The following GPR39 variants were observed in gnomAD, a reference collection of about 807,000 sequenced individuals.
The protein encoded by GPR39 is G protein-coupled receptor 39, also known as zinc sensing receptor.
In GPR39, 23 loss-of-function variants were observed where a neutral mutation model predicts 18.4. The ratio of observed to expected loss-of-function variants is 1.25; its 90% confidence interval spans 0.90 to 1.77. The LOEUF (loss-of-function observed/expected upper bound fraction) is 1.77, where lower values mean the gene tolerates loss of function less well. Among genes scored for constraint, GPR39 ranks in the 40% most tolerant of loss-of-function variants. GPR39 has a pLI of 0.00. For synonymous variants in GPR39, 280 were observed against 257.9 expected, an observed-to-expected ratio of 1.09 and a Z score of -0.82; for missense variants, 647 against 602.4, an observed-to-expected ratio of 1.07 and a Z score of -0.78.
Position 132,417,905 on chromosome 2 carries a change from C to T in GPR39, c.856+7C>T. ...CAGACCATCATCTTCCTGAGTGAGTCCTAAGTCGGGGGCAACACGTGAGCA... is the reference window on the plus strand; with the variant it reads ...CAGACCATCATCTTCCTGAGTGAGTTCTAAGTCGGGGGCAACACGTGAGCA... On this transcript the variant is annotated splice_region_variant and intron_variant, in intron 1 of 1. Transcript: ENST00000329321. The T allele has an allele frequency of 1.3e-6, 2 of 1,569,384 alleles. No homozygotes were observed. Among genetic ancestry groups the T allele is most frequent in the Non-Finnish European group, 1.7e-6 (2 of 1,159,934 alleles).
At chr2:132,594,864 G>A (rs1680908630) in intron 1 of GPR39, among the ~76,000 whole-genome samples, 1 of 152,138 alleles carries the variant, frequency 6.6e-6, no homozygotes, top group Non-Finnish European at 1.5e-5. Context: ...TCTAATAATG[G>A]TACTTATCTC....
intron 1 of GPR39, among the ~76,000 whole-genome samples, chr2:132,492,453 C>T (rs1438691897): frequency 2.9e-5 from 4 of 139,688 alleles, no homozygotes; most frequent in Admixed American, 7.3e-5. Flanking sequence ...ACCATATATA[C>T]ACACCATATA....
chr2:132,619,249 G>T (rs1681391749), intron 1 of GPR39, among the ~76,000 whole-genome samples: 1 of 152,228 alleles, frequency 6.6e-6, no homozygotes, highest in East Asian at 1.9e-4. Flanking sequence ...ATCCTTAGCA[G>T]AAAGCTATGA....
At chr2:132,591,435 T>C (rs945507973) in intron 1 of GPR39, among the ~76,000 whole-genome samples, 3 of 152,148 alleles carry the variant, frequency 2.0e-5, no homozygotes, top group Non-Finnish European at 2.9e-5. Flanking sequence ...CAGGGACTCT[T>C]GGGCCACGGA....
chr2:132,519,012 G>T (rs1679379852), intron 1 of GPR39, among the ~76,000 whole-genome samples: 1 of 152,212 alleles, frequency 6.6e-6, no homozygotes, highest in South Asian at 2.1e-4. Flanking sequence ...CCTCTTTGGA[G>T]TTTGTAGGTT....
intron 1 of GPR39, among the ~76,000 whole-genome samples, chr2:132,560,169 A>G (rs780945137): frequency 6.6e-6 from 1 of 152,160 alleles, no homozygotes; most frequent in Non-Finnish European, 1.5e-5. Context: ...ACCTGCCATT[A>G]TAAAATTCTT....
At chr2:132,595,446 G>A (rs1291406226) in intron 1 of GPR39, among the ~76,000 whole-genome samples, 3 of 151,998 alleles carry the variant, frequency 2.0e-5, no homozygotes, top group South Asian at 2.1e-4. Flanking sequence ...CGCTGTCTTC[G>A]AAGTTGTAAC....
chr2:132,503,877 G>C (rs1304449982), intron 1 of GPR39, among the ~76,000 whole-genome samples: 1 of 152,144 alleles, frequency 6.6e-6, no homozygotes, highest in East Asian at 1.9e-4. Flanking sequence ...AAGGAACTGG[G>C]GGAAAGCTAG....
In GPR39 at chr2:132,417,150, G is replaced by A. The variant is rs756202510; in HGVS notation, c.108G>A (p.Val36=). Residue 36 remains valine (V), a synonymous_variant, in exon 1 of 2, where the codon GTG becomes GTA. Transcript: ENST00000329321. ...ATWIKITLIL[V]YLIIFVMGLL... is the part of the protein sequence containing the mutation. ...GGATCAAAATCACCCTTATTCTGGT[G>A]TACCTGATCATCTTCGTGATGGGCC... The A allele has an allele frequency of 3.7e-6, 6 of 1,614,182 alleles. No individual in the cohort carries two copies. In the Middle Eastern group the frequency reaches 4.9e-4, roughly 133 times the overall value.
chr2:132,472,770 G>C (rs1285577527), intron 1 of GPR39, among the ~76,000 whole-genome samples: 1 of 152,024 alleles, frequency 6.6e-6, no homozygotes, highest in East Asian at 1.9e-4. Flanking sequence ...CACGCACTTG[G>C]CCTTATGACT....
chr2:132,641,475 G>A (rs1173040553), intron 1 of GPR39, among the ~76,000 whole-genome samples: 2 of 152,280 alleles, frequency 1.3e-5, no homozygotes, highest in Admixed American at 6.5e-5. Flanking sequence ...GGAGGGGCTA[G>A]GAAGGATTCT....
intron 1 of GPR39, among the ~76,000 whole-genome samples, chr2:132,619,155 C>G (rs919562914): frequency 1.3e-5 from 2 of 152,210 alleles, no homozygotes; most frequent in Admixed American, 6.5e-5. Context: ...CGAGGCCAAC[C>G]CAGCAGGTGC....
chr2:132,610,777 CAAAAAA>C (rs34611787), intron 1 of GPR39, among the ~76,000 whole-genome samples: 2 of 88,726 alleles, frequency 2.3e-5, no homozygotes, highest in Non-Finnish European at 4.3e-5. Flanking sequence ...ACTCTGTCTC[CAAAAAA>C]AAAAAAAAAA....
intron 1 of GPR39, among the ~76,000 whole-genome samples, chr2:132,631,112 T>C (rs1681643630): frequency 6.6e-6 from 1 of 151,312 alleles, no homozygotes; most frequent in Non-Finnish European, 1.5e-5. Context: ...AGAAGGGAGG[T>C]AGAGAGCTGA....
intron 1 of GPR39, among the ~76,000 whole-genome samples, chr2:132,468,649 A>G (rs564138885): frequency 7.2e-5 from 11 of 152,296 alleles, no homozygotes; most frequent in Admixed American, 3.3e-4. Flanking sequence ...GGTTTTAAAC[A>G]GAAAACAGAG....
At chr2:132,565,513 T>A in intron 1 of GPR39, among the ~76,000 whole-genome samples, 1 of 149,712 alleles carries the variant, frequency 6.7e-6, no homozygotes, top group Non-Finnish European at 1.5e-5. Context: ...ACTCGTCATC[T>A]AGCCTTAGGT....
At chr2:132,435,251 A>C (rs1573600619) in intron 1 of GPR39, among the ~76,000 whole-genome samples, 1 of 151,484 alleles carries the variant, frequency 6.6e-6, no homozygotes, top group African/African-American at 2.4e-5. Flanking sequence ...CACCTCCTTC[A>C]CCCCTTCTGC....
chr2:132,614,921 G>A (rs922603092), intron 1 of GPR39, among the ~76,000 whole-genome samples: 1 of 152,100 alleles, frequency 6.6e-6, no homozygotes, highest in Non-Finnish European at 1.5e-5. Context: ...CAATAATCAA[G>A]ACCACATCAT....
Position 132,528,738 on chromosome 2 carries a change from C to T in GPR39, c.856+110840C>T, listed in dbSNP as rs770421654. Among the ~76,000 whole-genome samples the T allele has an allele frequency of 5.1e-4, 77 of 152,226 alleles. 2 individuals are homozygous for T. The South Asian group carries it at 5.2e-3, about 10-fold the overall frequency. ...ATTCATGATTTGGTTCTCTACTTGT[C>T]TATTGTTGGTATATAGGAATGCTTG... is the stretch of plus-strand genomic sequence containing the variant. On this transcript the variant is annotated intron_variant, in intron 1 of 1. Transcript: ENST00000329321.
Sources: allele counts gnomAD v4.1 joint callset (sites outside exome capture counted in the v4.1 genomes callset), GRCh38; gene constraint gnomAD v4.1.1; transcripts MANE v1.5; gene names NCBI Gene and HGNC (gene_info 2026-07-23, HGNC 2026-07-21).